The following CEP170B variants were observed in gnomAD, a reference collection of about 807,000 sequenced individuals.
CEP170B encodes the protein centrosomal protein of 170 kDa protein B.
A neutral mutation model predicts 120.6 loss-of-function variants in CEP170B; 55 were observed. That is an observed-to-expected ratio of 0.46 (90% CI 0.37 to 0.57). The LOEUF is 0.57. CEP170B is among the 20% of genes least tolerant of loss of function. The pLI, the probability that CEP170B is intolerant of heterozygous loss-of-function variation, is 0.00. For synonymous variants in CEP170B, 1,033 were observed against 954.5 expected (o/e 1.08, Z -1.52); for missense variants, 2,212 against 2,253.3 (o/e 0.98, Z 0.37).
upstream of CEP170B, among the ~76,000 whole-genome samples, chr14:104,865,000 GC>G (rs546341589): frequency 2.6e-3 from 388 of 151,176 alleles, 4 homozygotes; most frequent in African/African-American, 8.8e-3. The surrounding 1 kb of genome is among the most constrained non-coding windows in gnomAD (Gnocchi z 5.9). Context: ...TGGGGTCTGC[GC>G]CGGGTGCGAG....
rs541418376 is a variant in CEP170B at position 104,878,479 on chromosome 14, G to A, written c.311G>A (p.Arg104Gln). ...TATGTGCTGGAGCGTGTGCAGCACC[G>A]AGTCCCGGAGGAGGCACTCAAGGTT... ...NMYVLERVQH[R>Q]VPEEALKHEK... The change falls in exon 5 of 19, where the codon CGA becomes CAA. Residue 104 changes from arginine (R) to glutamine (Q), a missense_variant. Arg to Gln is a conservative substitution (Grantham distance 43). Around this residue, in one of 2 missense-constraint regions of CEP170B, gnomAD observed 2,166 missense variants for 2,166.7 expected, o/e 1.00. Transcript: ENST00000414716. 57 of 1,611,808 alleles carry A rather than the reference G, an allele frequency of 3.5e-5. No homozygotes were observed. In the Middle Eastern group the frequency reaches 8.2e-4, roughly 23 times the overall value.
intron 8 of CEP170B, 84 bp from the exon 9 acceptor site, chr14:104,883,747 G>A: frequency 7.5e-7 from 1 of 1,339,282 alleles, no homozygotes; most frequent in Non-Finnish European, 1.0e-6. Flanking sequence ...ACTCAGCTAA[G>A]GCATGGGGTG....
rs773917068 is a variant in CEP170B, at chr14:104,886,882, C to T, written c.2643C>T (p.Gly881=). The T allele has an allele frequency of 5.6e-6, 9 of 1,610,346 alleles. No homozygotes were observed. In the Middle Eastern group the frequency reaches 6.6e-4, roughly 118 times the overall value. The change falls in exon 12 of 19, where the codon GGC becomes GGT. Residue 881 remains glycine (G), a synonymous_variant. Coordinates refer to ENST00000414716, the MANE Select transcript of CEP170B (RefSeq NM_001112726.3). ...CAGCCAGTGGTCCCCCAGCGCCCGG[C>T]AAGCCCCCCCACATCTCCAGCCACC... is the stretch of plus-strand genomic sequence containing the variant. ...KEPASGPPAP[G]KPPHISSHPL... is the part of the protein sequence containing the mutation.
Position 104,886,815 on chromosome 14 carries a change from C to A in CEP170B, c.2576C>A (p.Pro859His). 1 of 1,611,348 alleles carries A rather than the reference C, an allele frequency of 6.2e-7. No homozygotes were observed. Among genetic ancestry groups the A allele is most frequent in the East Asian group, 2.2e-5 (1 of 44,874 alleles). Residue 859 changes from proline to histidine, a missense_variant, in exon 12 of 19, where the codon CCT (proline) becomes CAT (histidine). Pro to His is a moderately conservative substitution (Grantham distance 77, BLOSUM62 -2). This residue lies in a region of CEP170B where 2,166 missense variants were observed against 2,166.7 expected (regional missense o/e 1.00). Transcript: ENST00000414716. The part of the protein sequence containing the change: ...RPGRSPEPDG[P>H]APAFLRQESF... ...GGACGGTCCCCAGAACCCGACGGCC[C>A]TGCCCCAGCCTTTCTCCGGCAAGAG...
rs1357516985 is a variant in CEP170B at position 104,872,491 on chromosome 14, T to TGTGTGTGCC, written c.106-3758_106-3757insCCGTGTGTG. 4.1e-3 allele frequency among the ~76,000 whole-genome samples: 257 copies of TGTGTGTGCC among 62,660 alleles called. 11 individuals carry two copies. Among genetic ancestry groups the TGTGTGTGCC allele is most frequent in the African/African-American group, 8.3e-3 (248 of 30,026 alleles). The allele number at this position is 62,660 out of a possible 152,430, so 41.1% of individuals were successfully genotyped here. Reference sequence around the variant, plus strand: ...GTGCCGTGTGTGTGCGTGTGTGCCGTGTGTGTGTGCGTGTGTAAGTGTGCA... The same window carrying TGTGTGTGCC: ...GTGCCGTGTGTGTGCGTGTGTGCCGTGTGTGTGCCGTGTGTGTGCGTGTGTAAGTGTGCA... On this transcript the variant is annotated intron_variant, in intron 2 of 18. Coordinates refer to ENST00000414716, the MANE Select transcript of CEP170B (RefSeq NM_001112726.3).
intron 11 of CEP170B, 49 bp downstream of exon 11, chr14:104,886,179 C>T (rs1896488631): frequency 2.7e-6 from 4 of 1,485,390 alleles, no homozygotes; most frequent in South Asian, 1.3e-5. Context: ...CGGGGCGGGC[C>T]TCAGGCCACT....
intron 1 of CEP170B, among the ~76,000 whole-genome samples, chr14:104,866,004 G>A (rs977773287): frequency 7.9e-5 from 12 of 152,218 alleles, no homozygotes; most frequent in African/African-American, 2.7e-4. Context: ...TGCCCCGCCC[G>A]GCTCGCTGCC....
chr14:104,869,786 T>A (rs1283209013), intron 2 of CEP170B, among the ~76,000 whole-genome samples: 1 of 152,078 alleles, frequency 6.6e-6, no homozygotes, highest in Non-Finnish European at 1.5e-5. Context: ...CAGGGCCCTC[T>A]CCAGACACCA....
Position 104,880,278 on chromosome 14 carries a change from T to TGC in CEP170B, c.334-8_334-7dup, listed in dbSNP as rs1896076662. The TGC allele has an allele frequency of 1.3e-6, 2 of 1,588,024 alleles. No individual in the cohort carries two copies. Among genetic ancestry groups the TGC allele is most frequent in the African/African-American group, 2.7e-5 (2 of 74,440 alleles). The stretch of plus-strand genomic sequence containing the variant: ...GCCCAGTACCTCACCCCGCCTGGCC[T>TGC]GCCCACAGCATGAAAAGTACACCAG... On this transcript the variant is annotated splice_polypyrimidine_tract_variant and intron_variant, in intron 5 of 18. Transcript: ENST00000414716.
At chr14:104,879,093 G>A (rs1896009632) in intron 5 of CEP170B, among the ~76,000 whole-genome samples, 1 of 152,206 alleles carries the variant, frequency 6.6e-6, no homozygotes, top group Non-Finnish European at 1.5e-5. Context: ...TAGCTTTGGG[G>A]TCTCATAAGG....
rs1896228482 is a variant in CEP170B at position 104,882,841 on chromosome 14, T to TG, written c.577+13dup. On this transcript the variant is annotated intron_variant, in intron 7 of 18. Coordinates refer to ENST00000414716, the MANE Select transcript of CEP170B (RefSeq NM_001112726.3). ...GGGAGAGCCCTACCCAGGTTGGTCT[T>TG]GGGGCCAGGCTGGTGAGACCCTGAG... The TG allele has an allele frequency of 6.2e-7, 1 of 1,609,782 alleles. No individual in the cohort carries two copies. Among genetic ancestry groups the TG allele is most frequent in the African/African-American group, 1.3e-5 (1 of 74,786 alleles).
intron 2 of CEP170B, among the ~76,000 whole-genome samples, chr14:104,874,758 C>G (rs1242011101): frequency 6.6e-6 from 1 of 150,870 alleles, no homozygotes; most frequent in Admixed American, 6.6e-5. Flanking sequence ...CACCCCCGGT[C>G]CTCCTCTGCA....
At chr14:104,873,124 G>A (rs934780972) in intron 2 of CEP170B, among the ~76,000 whole-genome samples, 3 of 152,042 alleles carry the variant, frequency 2.0e-5, no homozygotes, top group African/African-American at 4.8e-5. Flanking sequence ...TGTCTCCAGC[G>A]CTTCCTGCAG....
intron 10 of CEP170B, 88 bp from the exon 11 acceptor site, chr14:104,885,952 G>A: frequency 8.3e-7 from 1 of 1,209,296 alleles, no homozygotes; most frequent in Non-Finnish European, 1.1e-6. Flanking sequence ...GGTGTTGGCT[G>A]CTCTGGACGC....
intron 2 of CEP170B, among the ~76,000 whole-genome samples, chr14:104,874,154 G>A (rs966219356): frequency 5.3e-5 from 8 of 152,162 alleles, no homozygotes; most frequent in African/African-American, 9.7e-5. Context: ...GCTTCTTGGA[G>A]GAGGTGAGTG....
chr14:104,888,844 C>T (rs1455291626), intron 12 of CEP170B, among the ~76,000 whole-genome samples: 1 of 152,196 alleles, frequency 6.6e-6, no homozygotes, highest in African/African-American at 2.4e-5. Context: ...AGGCAGGGTT[C>T]GCTGGAGGAA....
At chr14:104,889,905 A>AATGGATGGACGG in intron 13 of CEP170B, 147 bp downstream of exon 13, 1 of 136,238 alleles carries the variant, frequency 7.3e-6, no homozygotes, top group East Asian at 4.3e-5. Flanking sequence ...TGGATGGACA[A>AATGGATGGACGG]ATGGATGGAT....
rs756307403 is a variant in CEP170B, at chr14:104,889,782, T to C, written c.3878+24T>C. The C allele has an allele frequency of 1.9e-6, 3 of 1,587,078 alleles. No homozygotes were observed. The African/African-American group carries it at 4.1e-5, about 21-fold the overall frequency. On this transcript the variant is annotated intron_variant, in intron 13 of 18. Transcript: ENST00000414716. ...AGGTGAGTAGCCCATTCAGAGTAAA[T>C]CCACTGGGTGCCAGTGCGTTTTCTT... is the stretch of plus-strand genomic sequence containing the variant.
intron 6 of CEP170B, among the ~76,000 whole-genome samples, chr14:104,881,671 G>C (rs941098555): frequency 4.6e-5 from 7 of 152,204 alleles, no homozygotes; most frequent in Admixed American, 1.3e-4. Flanking sequence ...TGGCTCCTTG[G>C]CTCCGTTAGA....
Sources: allele counts gnomAD v4.1 joint callset (sites outside exome capture counted in the v4.1 genomes callset), GRCh38; gene constraint gnomAD v4.1.1; regional missense constraint gnomAD v4.1.1; non-coding constraint Gnocchi (gnomAD v3.1); transcripts MANE v1.5; gene names NCBI Gene and HGNC (gene_info 2026-07-23, HGNC 2026-07-21).